The following NRXN3 variants were observed in gnomAD, a reference collection of about 807,000 sequenced individuals.
NRXN3 encodes neurexin 3, also known as neurexin III.
A neutral mutation model predicts 137.6 loss-of-function variants in NRXN3; 32 were observed. That is an observed-to-expected ratio of 0.23 (90% CI 0.18 to 0.31). The LOEUF (loss-of-function observed/expected upper bound fraction) is 0.31, where lower values mean the gene tolerates loss of function less well. Ranked by LOEUF, NRXN3 falls within the 10% of genes least tolerant of loss-of-function variation. The pLI is 1.00. For missense variants in NRXN3, 1,574 were observed against 2,062.5 expected, an observed-to-expected ratio of 0.76 and a Z score of 4.59; for synonymous variants, 798 against 784.5, an observed-to-expected ratio of 1.02 and a Z score of -0.29.
chr14:78,690,010 C>A (rs1023080318), intron 6 of NRXN3, among the ~76,000 whole-genome samples: 1 of 152,108 alleles, frequency 6.6e-6, no homozygotes, highest in Non-Finnish European at 1.5e-5. Context: ...GACCTCAAAG[C>A]AATTATTCTT....
Position 78,775,899 on chromosome 14 carries a change from A to C in NRXN3, c.2045-27721A>C, listed in dbSNP as rs1318294772. Among the ~76,000 whole-genome samples, 3 of 152,314 alleles carry C rather than the reference A, an allele frequency of 2.0e-5. No individual in the cohort carries two copies. The East Asian group carries it at 5.8e-4, about 29-fold the overall frequency. ...AGAAATAAACAACTTATAAGTTTTAAATTGCATCTCCTTCTGAGTAGCAGG... is the reference window on the plus strand; with the variant it reads ...AGAAATAAACAACTTATAAGTTTTACATTGCATCTCCTTCTGAGTAGCAGG... On this transcript the variant is annotated intron_variant, in intron 8 of 20. Transcript: ENST00000335750.
chr14:78,724,168 T>G (rs149010148), intron 8 of NRXN3, among the ~76,000 whole-genome samples: 5 of 152,358 alleles, frequency 3.3e-5, no homozygotes, highest in African/African-American at 1.2e-4. Flanking sequence ...TTCTCCCTAT[T>G]CTGGTCTCTC....
At chr14:78,684,304 G>GA (rs1371990939) in intron 6 of NRXN3, among the ~76,000 whole-genome samples, 2 of 152,178 alleles carry the variant, frequency 1.3e-5, no homozygotes, top group African/African-American at 2.4e-5. Flanking sequence ...ATTACATTCT[G>GA]AAATTGGCAC....
intron 2 of NRXN3, among the ~76,000 whole-genome samples, chr14:78,273,864 G>A (rs1228384848): frequency 6.6e-6 from 1 of 152,108 alleles, no homozygotes; most frequent in Non-Finnish European, 1.5e-5. Flanking sequence ...GTTTTCCAGA[G>A]CGCCACTGCA....
chr14:78,702,027 G>C (rs185108482), intron 6 of NRXN3, among the ~76,000 whole-genome samples: 1 of 152,308 alleles, frequency 6.6e-6, no homozygotes, highest in East Asian at 1.9e-4. Flanking sequence ...AGCAAGACCA[G>C]AGATGCAGAT....
intron 3 of NRXN3, chr14:78,282,237 GC>G (rs2074508117): frequency 2.2e-6 from 1 of 451,734 alleles, no homozygotes; most frequent in Non-Finnish European, 4.5e-6. Context: ...TCTCTGCCCT[GC>G]CTTTAACCTT....
chr14:78,199,782 T>A (rs1405065739), intron 1 of NRXN3, among the ~76,000 whole-genome samples: 1 of 152,208 alleles, frequency 6.6e-6, no homozygotes, highest in East Asian at 1.9e-4. Context: ...AAGGCTGTTG[T>A]GTTGGAAGAC....
chr14:78,698,804 G>A (rs549399816), intron 6 of NRXN3, among the ~76,000 whole-genome samples: 9 of 152,076 alleles, frequency 5.9e-5, no homozygotes, highest in Admixed American at 2.6e-4. Context: ...CATACATGCC[G>A]GGGAAAACTC....
intron 16 of NRXN3, among the ~76,000 whole-genome samples, chr14:79,609,976 A>G (rs369078184): frequency 3.9e-5 from 6 of 152,160 alleles, no homozygotes; most frequent in East Asian, 3.9e-4. Context: ...GAGGGATAGC[A>G]TTAGGAGAAA....
chr14:79,821,668 C>CTTTTTTTTTTTTTTTTTTGTTTT, intron 20 of NRXN3, among the ~76,000 whole-genome samples: 1 of 121,500 alleles, frequency 8.2e-6, no homozygotes, highest in Non-Finnish European at 1.7e-5. Context: ...AAGCTAAGAC[C>CTTTTTTTTTTTTTTTTTTGTTTT]TTTTTTTTTT....
chr14:79,709,775 C>G (rs914790563), intron 19 of NRXN3, among the ~76,000 whole-genome samples: 1 of 152,200 alleles, frequency 6.6e-6, no homozygotes, highest in Non-Finnish European at 1.5e-5. Context: ...ATGATTAATG[C>G]CCTACTGGCT....
chr14:78,186,563 C>T (rs957900717), intron 1 of NRXN3, among the ~76,000 whole-genome samples: 28 of 152,208 alleles, frequency 1.8e-4, no homozygotes, highest in African/African-American at 6.0e-4. Context: ...GGTGGTTATG[C>T]GCTCTGGACT....
At chr14:78,239,359 T>C (rs562812374) in intron 1 of NRXN3, among the ~76,000 whole-genome samples, 1 of 152,372 alleles carries the variant, frequency 6.6e-6, no homozygotes, top group Non-Finnish European at 1.5e-5. Flanking sequence ...TTTGCTTTGA[T>C]CCAGTAGTGC....
At chr14:79,738,300 G>A (rs1160445847) in intron 19 of NRXN3, among the ~76,000 whole-genome samples, 1 of 142,272 alleles carries the variant, frequency 7.0e-6, no homozygotes, top group Non-Finnish European at 1.5e-5. Flanking sequence ...TGAGGCAGAG[G>A]GGGCATTTCC....
chr14:78,248,832 C>G (rs1022738261), intron 2 of NRXN3, among the ~76,000 whole-genome samples: 11 of 152,258 alleles, frequency 7.2e-5, no homozygotes, highest in African/African-American at 2.6e-4. Context: ...AAAATGTACA[C>G]AAAGGAGGGA....
chr14:79,157,365 G>A (rs1457739596), intron 15 of NRXN3, among the ~76,000 whole-genome samples: 2 of 151,774 alleles, frequency 1.3e-5, no homozygotes, highest in East Asian at 3.9e-4. Context: ...GAAGCTGTCG[G>A]GAGTCTTACC....
chr14:78,325,273 G>C (rs964623419), intron 4 of NRXN3, among the ~76,000 whole-genome samples: 10 of 151,926 alleles, frequency 6.6e-5, no homozygotes, highest in Admixed American at 6.6e-4. Flanking sequence ...CCTGAGCCAT[G>C]GTGGTCCTTA....
chr14:78,494,421 G>GTTTT (rs139596761), intron 4 of NRXN3, among the ~76,000 whole-genome samples: 6 of 132,442 alleles, frequency 4.5e-5, no homozygotes, highest in African/African-American at 7.8e-5. Flanking sequence ...TACCAGAGGT[G>GTTTT]TTTTGTTTTT....
chr14:79,455,346 A>G lies in NRXN3; in HGVS notation c.3263-11875A>G, dbSNP rs532231542. ...GAACACATTGAAAGTTAGGATTTCAACATAGGAATTTGCAGGGGGATCATA... is the reference window on the plus strand; with the variant it reads ...GAACACATTGAAAGTTAGGATTTCAGCATAGGAATTTGCAGGGGGATCATA... On this transcript the variant is annotated intron_variant, in intron 15 of 20. Transcript: ENST00000335750. 8.5e-5 allele frequency among the ~76,000 whole-genome samples: 13 copies of G among 152,316 alleles called. No individual in the cohort carries two copies. The East Asian group carries it at 1.9e-3, about 23-fold the overall frequency.
Sources: allele counts gnomAD v4.1 joint callset (sites outside exome capture counted in the v4.1 genomes callset), GRCh38; gene constraint gnomAD v4.1.1; transcripts MANE v1.5; gene names NCBI Gene and HGNC (gene_info 2026-07-23, HGNC 2026-07-21).